GALNT17: variants seen among roughly 807,000 people sequenced by gnomAD.
The protein encoded by GALNT17 is UDP-GalNAc:polypeptide N-acetylgalactosaminyltransferase-like 3.
In GALNT17, 29 loss-of-function variants were observed where a neutral mutation model predicts 63.7. The observed-to-expected ratio is 0.46, with a 90% CI of 0.34 to 0.62. The LOEUF (loss-of-function observed/expected upper bound fraction) is 0.62, where lower values mean the gene tolerates loss of function less well. GALNT17 is among the 20% of genes least tolerant of loss of function. The probability of loss-of-function intolerance (pLI) is 0.01; values close to 1 mark genes in which losing one functional copy is unlikely to be tolerated. For missense variants in GALNT17, 603 were observed against 799.6 expected, an observed-to-expected ratio of 0.75 and a Z score of 2.97; for synonymous variants, 305 against 318.3, an observed-to-expected ratio of 0.96 and a Z score of 0.45.
At chr7:71,297,242 T>C (rs1791098841) in intron 1 of GALNT17, among the ~76,000 whole-genome samples, 1 of 152,124 alleles carries the variant, frequency 6.6e-6, no homozygotes. Context: ...GCTGATCTCA[T>C]ACACCAAAAG....
intron 2 of GALNT17, among the ~76,000 whole-genome samples, chr7:71,350,986 C>A (rs1419049859): frequency 6.6e-6 from 1 of 151,368 alleles, no homozygotes; most frequent in African/African-American, 2.4e-5. Context: ...ACTAAAAATA[C>A]AAAAATTAGC....
intron 5 of GALNT17, among the ~76,000 whole-genome samples, chr7:71,534,295 G>T (rs1282799354): frequency 6.6e-6 from 1 of 151,978 alleles, no homozygotes; most frequent in Non-Finnish European, 1.5e-5. Context: ...TGAGAGAAAA[G>T]CCCCTTATAA....
At chr7:71,642,959 T>G (rs73187168) in intron 6 of GALNT17, among the ~76,000 whole-genome samples, 36,340 of 152,120 alleles carry the variant, frequency 0.24, 4,696 homozygotes, top group Non-Finnish European at 0.29. Flanking sequence ...AACAGGTTTT[T>G]CTCTTAACCC....
At chr7:71,430,737 A>T (rs1786846712) in intron 5 of GALNT17, among the ~76,000 whole-genome samples, 1 of 152,174 alleles carries the variant, frequency 6.6e-6, no homozygotes, top group African/African-American at 2.4e-5. Flanking sequence ...AGTTGCCGGG[A>T]TCTCAAATTC....
chr7:71,203,924 T>G (rs6965222), intron 1 of GALNT17, among the ~76,000 whole-genome samples: 15,538 of 151,914 alleles, frequency 0.1, 1,785 homozygotes, highest in African/African-American at 0.29. Context: ...TTTAGTTTGA[T>G]GCAGTCTCAT....
intron 5 of GALNT17, among the ~76,000 whole-genome samples, chr7:71,548,967 T>C (rs956004801): frequency 3.3e-5 from 5 of 151,372 alleles, no homozygotes; most frequent in Non-Finnish European, 1.5e-5. Flanking sequence ...AGCCAGGGAG[T>C]GGGGTGTGTG....
At chr7:71,466,461 TC>T (rs1157411772) in intron 5 of GALNT17, among the ~76,000 whole-genome samples, 7 of 152,174 alleles carry the variant, frequency 4.6e-5, no homozygotes, top group African/African-American at 1.7e-4. Context: ...TGGAAAGAAA[TC>T]AAAGTGTTTT....
chr7:71,249,305 T>C (rs1583797443), intron 1 of GALNT17, among the ~76,000 whole-genome samples: 1 of 152,206 alleles, frequency 6.6e-6, no homozygotes, highest in Non-Finnish European at 1.5e-5. Flanking sequence ...TTCATATTTA[T>C]TTTTTTCTCT....
chr7:71,505,389 A>G (rs4719134), intron 5 of GALNT17, among the ~76,000 whole-genome samples: 79,053 of 151,544 alleles, frequency 0.52, 22,235 homozygotes, highest in Non-Finnish European at 0.65. Context: ...ACTTGAGGCC[A>G]AGAGTTCAAG....
intron 1 of GALNT17, among the ~76,000 whole-genome samples, chr7:71,162,890 C>T (rs12540267): frequency 0.27 from 41,358 of 152,050 alleles, 6,032 homozygotes; most frequent in Middle Eastern, 0.36. Context: ...GGGTTTTGAA[C>T]TCAAAAGGAG....
At chr7:71,347,053 C>T (rs932095710) in intron 2 of GALNT17, among the ~76,000 whole-genome samples, 2 of 152,046 alleles carry the variant, frequency 1.3e-5, no homozygotes, top group African/African-American at 4.8e-5. Flanking sequence ...CAGGTCTTCA[C>T]GCAGCAATGG....
At chr7:71,690,861 C>T (rs1239351856) in intron 9 of GALNT17, among the ~76,000 whole-genome samples, 1 of 152,164 alleles carries the variant, frequency 6.6e-6, no homozygotes, top group South Asian at 2.1e-4. Flanking sequence ...CAAACATGAA[C>T]AAAGAGTTGT....
At chr7:71,351,829 T>C (rs192695877) in intron 2 of GALNT17, among the ~76,000 whole-genome samples, 1 of 152,298 alleles carries the variant, frequency 6.6e-6, no homozygotes, top group Admixed American at 6.5e-5. Flanking sequence ...TTAAAGGTCA[T>C]GGTAGCCACT....
intron 5 of GALNT17, among the ~76,000 whole-genome samples, chr7:71,568,000 C>T (rs946171508): frequency 2.0e-5 from 3 of 152,110 alleles, no homozygotes; most frequent in East Asian, 1.9e-4. Context: ...GATGAGGGTC[C>T]GAGACTACAG....
intron 1 of GALNT17, among the ~76,000 whole-genome samples, chr7:71,329,427 C>G (rs1791762778): frequency 1.3e-5 from 2 of 152,146 alleles, no homozygotes; most frequent in Non-Finnish European, 2.9e-5. Flanking sequence ...CACTGAGGAA[C>G]AGCTGTGCCC....
chr7:71,242,286 T>TTTTC (rs1554343530), intron 1 of GALNT17, among the ~76,000 whole-genome samples: 3 of 132,240 alleles, frequency 2.3e-5, no homozygotes, highest in Non-Finnish European at 3.2e-5. Context: ...TTTTTTTTTT[T>TTTTC]TGAGACAGAG....
At chr7:71,244,025 G>A (rs1790050338) in intron 1 of GALNT17, among the ~76,000 whole-genome samples, 1 of 152,150 alleles carries the variant, frequency 6.6e-6, no homozygotes, top group African/African-American at 2.4e-5. Flanking sequence ...GGAGATGGAG[G>A]TGCAGGGTTA....
chr7:71,402,543 T>G (rs1793258416), intron 3 of GALNT17, among the ~76,000 whole-genome samples: 1 of 152,212 alleles, frequency 6.6e-6, no homozygotes, highest in Non-Finnish European at 1.5e-5. Context: ...TGTCAGAAAT[T>G]GCCTATCTCC....
intron 1 of GALNT17, among the ~76,000 whole-genome samples, chr7:71,201,345 G>T (rs1789167993): frequency 6.6e-6 from 1 of 150,462 alleles, no homozygotes; most frequent in Admixed American, 6.6e-5. Context: ...GTTTTTTTCT[G>T]GCCTCATAAT....
Sources: gnomAD v4.1 joint callset for allele counts (sites outside exome capture counted in the v4.1 genomes callset) on GRCh38, gnomAD v4.1.1 for gene constraint, MANE v1.5 for transcripts, NCBI Gene and HGNC (gene_info 2026-07-23, HGNC 2026-07-21) for gene names.